The following CDH7 variants were observed in gnomAD, a reference collection of about 807,000 sequenced individuals.
CDH7 encodes the protein cadherin 7.
A neutral mutation model predicts 71.8 loss-of-function variants in CDH7; 25 were observed. That is an observed-to-expected ratio of 0.35 (90% CI 0.25 to 0.49). CDH7 has a LOEUF of 0.49. Among genes scored for constraint, CDH7 ranks in the 20% least tolerant of loss-of-function variants. The probability of loss-of-function intolerance (pLI) is 0.99; values close to 1 mark genes in which losing one functional copy is unlikely to be tolerated. For synonymous variants in CDH7, 381 were observed against 363.8 expected (o/e 1.05, Z -0.54); for missense variants, 862 against 974.6 (o/e 0.88, Z 1.54).
Position 65,824,963 on chromosome 18 carries a change from A to G in CDH7, c.981+132A>G, listed in dbSNP as rs6566180. The G allele has an allele frequency of 0.99, 508,481 of 515,436 alleles. 251,144 individuals carry two copies. The highest frequency in any genetic ancestry group is 1 in the East Asian group (31,145 of 31,152). 31.9% of individuals were successfully genotyped at this position (515,436 alleles called of 1,614,324 possible). ...TTTTAATTTTAGTAAGATAAGCTATACATTTAATTTTTGGTGTCAGACTCT... is the reference window on the plus strand; with the variant it reads ...TTTTAATTTTAGTAAGATAAGCTATGCATTTAATTTTTGGTGTCAGACTCT... On this transcript the variant is annotated intron_variant, in intron 6 of 11. Coordinates refer to ENST00000397968, the MANE Select transcript of CDH7 (RefSeq NM_004361.5).
rs1420898132 is a variant in CDH7, at chr18:65,881,744, A to G, written c.*850A>G. ...AATCTCCACTAAATTCAGGTCCATCATACTGCCTCATAGTATTAAACTCAT... is the reference window on the plus strand; with the variant it reads ...AATCTCCACTAAATTCAGGTCCATCGTACTGCCTCATAGTATTAAACTCAT... On this transcript the variant is annotated 3_prime_UTR_variant, in exon 12 of 12. Coordinates refer to ENST00000397968, the MANE Select transcript of CDH7 (RefSeq NM_004361.5). The G allele has an allele frequency of 6.6e-6, 1 of 152,152 alleles. No individual in the cohort carries two copies. Among genetic ancestry groups the G allele is most frequent in the African/African-American group, 2.4e-5 (1 of 41,450 alleles). The allele number at this position is 152,152 out of a possible 1,614,324, so 9.4% of individuals were successfully genotyped here.
At chr18:65,837,843 A>G (rs1912585022) in intron 6 of CDH7, among the ~76,000 whole-genome samples, 1 of 151,674 alleles carries the variant, frequency 6.6e-6, no homozygotes, top group South Asian at 2.1e-4. Context: ...GTACAGAATT[A>G]TTCCTGCTTT....
At chr18:65,858,845 C>A in intron 8 of CDH7, 80 bp from the exon 9 acceptor site, 2 of 1,394,716 alleles carry the variant, frequency 1.4e-6, no homozygotes, top group Non-Finnish European at 2.0e-6. Context: ...AGATTTCATT[C>A]TCAGCTTCGT....
In CDH7 at chr18:65,861,584, T is replaced by C. The variant is rs35849945; in HGVS notation, c.1613-1082T>C. Among the ~76,000 whole-genome samples, 596 of 152,212 alleles carry C rather than the reference T, an allele frequency of 3.9e-3. 2 individuals are homozygous for C. The highest frequency in any genetic ancestry group is 6.8e-3 in the Non-Finnish European group (465 of 67,990). On this transcript the variant is annotated intron_variant, in intron 10 of 11. Transcript: ENST00000397968. ...AATTCATACATTCTAAAATAAAAGATTTTTTTACATAAAAATCTACCAGAT... is the reference window on the plus strand; with the variant it reads ...AATTCATACATTCTAAAATAAAAGACTTTTTTACATAAAAATCTACCAGAT...
chr18:65,858,312 T>C (rs1197814102), intron 8 of CDH7, among the ~76,000 whole-genome samples: 1 of 152,044 alleles, frequency 6.6e-6, no homozygotes, highest in East Asian at 1.9e-4. Flanking sequence ...TTGAATATTC[T>C]GATACTGAAC....
chr18:65,790,931 A>G (rs1367280737), intron 2 of CDH7, among the ~76,000 whole-genome samples: 1 of 152,222 alleles, frequency 6.6e-6, no homozygotes, highest in Non-Finnish European at 1.5e-5. Context: ...TGGACCCACT[A>G]AAGTATGAAA....
intron 6 of CDH7, among the ~76,000 whole-genome samples, chr18:65,837,141 T>G (rs576223626): frequency 6.6e-6 from 1 of 152,196 alleles, no homozygotes; most frequent in African/African-American, 2.4e-5. Flanking sequence ...AATTCATGAG[T>G]CACAAAAATT....
At chr18:65,760,488 T>G in intron 1 of CDH7, among the ~76,000 whole-genome samples, 1 of 152,196 alleles carries the variant, frequency 6.6e-6, no homozygotes, top group Admixed American at 6.5e-5. Flanking sequence ...CCACATCCCC[T>G]CAATCCATAA....
chr18:65,823,418 A>C (rs2143940306), intron 5 of CDH7, among the ~76,000 whole-genome samples: 1 of 152,040 alleles, frequency 6.6e-6, no homozygotes, highest in Non-Finnish European at 1.5e-5. Context: ...TAGATTGATA[A>C]AATTATGTAG....
In CDH7 at chr18:65,881,182, A is replaced by G. The variant is rs1277042821; in HGVS notation, c.*288A>G. Reference sequence around the variant, plus strand: ...TTTGTGAATAGATAGCAACTCTCATATACCTGCAAAGGCACCAAACCTCTA... The same window carrying G: ...TTTGTGAATAGATAGCAACTCTCATGTACCTGCAAAGGCACCAAACCTCTA... On this transcript the variant is annotated 3_prime_UTR_variant, in exon 12 of 12. Coordinates refer to ENST00000397968, the MANE Select transcript of CDH7 (RefSeq NM_004361.5). 7.8e-6 allele frequency: 2 copies of G among 257,540 alleles called. No individual in the cohort carries two copies. The highest frequency in any genetic ancestry group is 1.5e-5 in the Non-Finnish European group (2 of 135,532). The allele number at this position is 257,540 out of a possible 1,614,324, so 16.0% of individuals were successfully genotyped here.
intron 7 of CDH7, among the ~76,000 whole-genome samples, chr18:65,854,999 T>A (rs1040095077): frequency 1.3e-5 from 2 of 151,898 alleles, no homozygotes; most frequent in Non-Finnish European, 2.9e-5. Flanking sequence ...TAAGTAAGCA[T>A]ATTCCACCCT....
intron 10 of CDH7, 76 bp from the exon 11 acceptor site, chr18:65,862,590 G>T (rs1251961449): frequency 1.4e-6 from 2 of 1,423,226 alleles, no homozygotes; most frequent in African/African-American, 2.8e-5. Flanking sequence ...AAAGTAAATA[G>T]AGTGACTTAA....
chr18:65,836,301 G>T (rs919108706), intron 6 of CDH7, among the ~76,000 whole-genome samples: 1 of 152,102 alleles, frequency 6.6e-6, no homozygotes, highest in Non-Finnish European at 1.5e-5. Context: ...ATCCAGACAG[G>T]AGAACAGAAG....
At chr18:65,862,640 T>TCTAGGA in intron 10 of CDH7, 26 bp from the exon 11 acceptor site, 1 of 1,608,518 alleles carries the variant, frequency 6.2e-7, no homozygotes, top group Non-Finnish European at 8.5e-7. Context: ...AAATCTGGTG[T>TCTAGGA]TATACATTTG....
chr18:65,774,823 G>T (rs749663028), intron 2 of CDH7, among the ~76,000 whole-genome samples: 3 of 152,028 alleles, frequency 2.0e-5, no homozygotes, highest in Admixed American at 1.3e-4. Flanking sequence ...GATGGTCCTG[G>T]CTTTATTTTA....
intron 6 of CDH7, among the ~76,000 whole-genome samples, chr18:65,833,053 G>C (rs1236567787): frequency 6.6e-6 from 1 of 152,140 alleles, no homozygotes; most frequent in Non-Finnish European, 1.5e-5. Flanking sequence ...GCTTTTAAAG[G>C]CTAATTTTGC....
intron 2 of CDH7, among the ~76,000 whole-genome samples, chr18:65,764,474 CAT>C (rs1475441722): frequency 6.6e-6 from 1 of 151,862 alleles, no homozygotes; most frequent in Non-Finnish European, 1.5e-5. Context: ...ATTTACTGTA[CAT>C]ATATATGCTA....
intron 2 of CDH7, among the ~76,000 whole-genome samples, chr18:65,789,861 T>C (rs1424301448): frequency 6.6e-6 from 1 of 152,062 alleles, no homozygotes; most frequent in African/African-American, 2.4e-5. Flanking sequence ...ATTCAATGAA[T>C]GACAAATCCA....
At chr18:65,872,237 T>C (rs969665655) in intron 11 of CDH7, among the ~76,000 whole-genome samples, 36 of 152,124 alleles carry the variant, frequency 2.4e-4, no homozygotes, top group African/African-American at 8.7e-4. Context: ...AAAGTGCTCA[T>C]TGGATTTGGC....
Sources: gnomAD v4.1 joint callset for allele counts (sites outside exome capture counted in the v4.1 genomes callset) on GRCh38, gnomAD v4.1.1 for gene constraint, MANE v1.5 for transcripts, NCBI Gene and HGNC (gene_info 2026-07-23, HGNC 2026-07-21) for gene names.